Variants in GABRA4 observed in about 807,000 individuals in gnomAD.
GABRA4 encodes the protein gamma-aminobutyric acid receptor subunit alpha-4.
In GABRA4, 12 loss-of-function variants were observed where a neutral mutation model predicts 49.7. The observed-to-expected ratio is 0.24, with a 90% CI of 0.15 to 0.39. GABRA4 has a LOEUF of 0.39. Ranked by LOEUF, GABRA4 falls within the 10% of genes least tolerant of loss-of-function variation. The pLI is 1.00. For synonymous variants in GABRA4, 288 were observed against 240.2 expected (o/e 1.20, Z -1.84); for missense variants, 506 against 686.0 (o/e 0.74, Z 2.93).
chr4:46,972,807 T>G (rs1471323820), intron 6 of GABRA4, among the ~76,000 whole-genome samples: 1 of 151,600 alleles, frequency 6.6e-6, no homozygotes, highest in Admixed American at 6.6e-5. Flanking sequence ...TGCCTTTCAG[T>G]TTGACTATTT....
intron 2 of GABRA4, 151 bp from the exon 3 acceptor site, chr4:46,979,249 CA>C (rs1191006267): frequency 1.7e-6 from 1 of 593,448 alleles, no homozygotes; most frequent in African/African-American, 1.9e-5. Flanking sequence ...CTCTACAAAA[CA>C]AATGTAGACC....
At chr4:46,993,035 GAA>G (rs981789615) in intron 1 of GABRA4, 89 bp from the exon 2 acceptor site, 3 of 1,010,676 alleles carry the variant, frequency 3.0e-6, no homozygotes, top group African/African-American at 1.6e-5. Context: ...GTTTTCTAGG[GAA>G]AGAGTCGCTT....
chr4:46,977,588 T>G lies in GABRA4; in HGVS notation c.316A>C (p.Lys106Gln), dbSNP rs754281136. 1.9e-6 allele frequency: 3 copies of G among 1,612,922 alleles called. No individual in the cohort carries two copies. The highest frequency in any genetic ancestry group is 2.7e-5 in the African/African-American group (2 of 74,840). ...DVFFRQTWID[K>Q]RLKYDGPIEI... ...ATGGGGCCGTCATATTTTAATCTTT[T>G]GTCAATCCATGTCTGCCTGAAGAAC... Residue 106 changes from lysine (K) to glutamine (Q), a missense_variant, in exon 4 of 9, where the codon AAA becomes CAA. By Grantham distance (53) the Lys-to-Gln change is moderately conservative. This residue lies in a region of GABRA4 where 195 missense variants were observed against 326.0 expected (regional missense o/e 0.60). Transcript: ENST00000264318.
At chr4:46,975,496 C>A (rs949031524) in intron 5 of GABRA4, among the ~76,000 whole-genome samples, 9 of 151,808 alleles carry the variant, frequency 5.9e-5, no homozygotes, top group African/African-American at 2.2e-4. Flanking sequence ...TTTCTAATTC[C>A]TCTGAATTGT....
At chr4:46,969,271 T>C (rs748967404) in intron 7 of GABRA4, among the ~76,000 whole-genome samples, 1 of 151,578 alleles carries the variant, frequency 6.6e-6, no homozygotes, top group Non-Finnish European at 1.5e-5. Context: ...AAAAAATGTA[T>C]ACATGAGTTT....
rs1720937297 is a variant in GABRA4 at position 46,920,302 on chromosome 4, G to T, written c.*7923C>A. The T allele has an allele frequency of 2.0e-5, 3 of 151,478 alleles. No individual in the cohort carries two copies. Among genetic ancestry groups the T allele is most frequent in the Non-Finnish European group, 4.4e-5 (3 of 67,596 alleles). The allele number at this position is 151,478 out of a possible 1,614,324, so 9.4% of individuals were successfully genotyped here. ...CTTTGGAAATAATATTATGCAATTG[G>T]TAATATCTTATATTGCCAACAACAT... is the stretch of plus-strand genomic sequence containing the variant. On this transcript the variant is annotated 3_prime_UTR_variant, in exon 9 of 9. Transcript: ENST00000264318.
At chr4:46,970,976 C>T (rs1394765955) in intron 7 of GABRA4, 107 bp downstream of exon 7, 1 of 1,004,582 alleles carries the variant, frequency 1.0e-6, no homozygotes, top group East Asian at 2.6e-5. Flanking sequence ...ATTCCTTATT[C>T]AGGATAGCCT....
chr4:46,992,602 A>T (rs1723796986), intron 2 of GABRA4: 1 of 535,188 alleles, frequency 1.9e-6, no homozygotes, highest in East Asian at 3.0e-5. Context: ...CCGGGAGGTA[A>T]TTAGTGTGGG....
In GABRA4 at chr4:46,992,641, G is replaced by A. The variant is rs1348449602; in HGVS notation, c.205+187C>T. 1.0e-5 allele frequency: 6 copies of A among 598,544 alleles called. No homozygotes were observed. The African/African-American group carries it at 1.1e-4, about 11-fold the overall frequency. The allele number at this position is 598,544 out of a possible 1,614,324, so 37.1% of individuals were successfully genotyped here. A position where few individuals can be genotyped will look rare whatever the true frequency, so the allele number is the denominator to read the frequency against. Reference sequence around the variant, plus strand: ...GAGGCAAAGCTTCTGAGGGGGCAGGGAGATGGGAAAGTACGGGTGGAGGCG... The same window carrying A: ...GAGGCAAAGCTTCTGAGGGGGCAGGAAGATGGGAAAGTACGGGTGGAGGCG... On this transcript the variant is annotated intron_variant, in intron 2 of 8. Transcript: ENST00000264318.
intron 8 of GABRA4, among the ~76,000 whole-genome samples, chr4:46,934,426 C>T (rs895640221): frequency 1.3e-5 from 2 of 152,092 alleles, no homozygotes; most frequent in African/African-American, 4.8e-5. Context: ...CACATCCCCT[C>T]CAAATAAACA....
chr4:46,951,192 A>G (rs1722160763), intron 8 of GABRA4, among the ~76,000 whole-genome samples: 1 of 151,858 alleles, frequency 6.6e-6, no homozygotes, highest in African/African-American at 2.4e-5. Context: ...CCTATATGTG[A>G]CCCTCAAAAA....
At chr4:46,975,603 A>AGC (rs1723113804) in intron 5 of GABRA4, among the ~76,000 whole-genome samples, 1 of 151,750 alleles carries the variant, frequency 6.6e-6, no homozygotes, top group Non-Finnish European at 1.5e-5. Flanking sequence ...TCTCTTTTTA[A>AGC]TTCCCAATCC....
chr4:46,944,608 C>T (rs1279293159), intron 8 of GABRA4, among the ~76,000 whole-genome samples: 2 of 152,050 alleles, frequency 1.3e-5, no homozygotes, highest in African/African-American at 2.4e-5. Flanking sequence ...AGCCATTTTC[C>T]CTTCCTTCTG....
intron 8 of GABRA4, among the ~76,000 whole-genome samples, chr4:46,943,116 C>T (rs1721874185): frequency 6.6e-6 from 1 of 152,116 alleles, no homozygotes; most frequent in African/African-American, 2.4e-5. Flanking sequence ...AGTTCTTACC[C>T]TTATGGAACT....
intron 8 of GABRA4, among the ~76,000 whole-genome samples, chr4:46,931,368 G>A (rs1345637562): frequency 6.6e-6 from 1 of 152,000 alleles, no homozygotes; most frequent in Non-Finnish European, 1.5e-5. Flanking sequence ...AGCAAGAGTA[G>A]GAAGGATCAA....
chr4:46,958,349 A>G (rs1722438399), intron 8 of GABRA4, among the ~76,000 whole-genome samples: 1 of 151,964 alleles, frequency 6.6e-6, no homozygotes, highest in Admixed American at 6.6e-5. Context: ...GATTTTTTTC[A>G]TAAGATACAG....
rs891462698 is a variant in GABRA4, at chr4:46,927,379, A to G, written c.*846T>C. 6.6e-6 allele frequency: 1 copy of G among 152,512 alleles called. No homozygotes were observed. Among genetic ancestry groups the G allele is most frequent in the Non-Finnish European group, 1.5e-5 (1 of 67,978 alleles). 9.4% of individuals were successfully genotyped at this position (152,512 alleles called of 1,614,324 possible). On this transcript the variant is annotated 3_prime_UTR_variant, in exon 9 of 9. Coordinates refer to ENST00000264318, the MANE Select transcript of GABRA4 (RefSeq NM_000809.4). Reference sequence around the variant, plus strand: ...TAAATGTCCTTCACTAAAGAATGCAATGTCCTCTGCTAGTTTATGGTTCTT... The same window carrying G: ...TAAATGTCCTTCACTAAAGAATGCAGTGTCCTCTGCTAGTTTATGGTTCTT...
At chr4:46,991,803 A>T (rs373627174) in intron 2 of GABRA4, among the ~76,000 whole-genome samples, 1 of 152,220 alleles carries the variant, frequency 6.6e-6, no homozygotes, top group African/African-American at 2.4e-5. Flanking sequence ...GGTGATGCCT[A>T]CAAAATGCCT....
At chr4:46,964,399 ATAACT>A (rs1277275998) in intron 8 of GABRA4, among the ~76,000 whole-genome samples, 5 of 151,842 alleles carry the variant, frequency 3.3e-5, no homozygotes, top group Non-Finnish European at 5.9e-5. Context: ...ACATTTTGAA[ATAACT>A]TAAAGAATGT....
Sources: allele counts gnomAD v4.1 joint callset (sites outside exome capture counted in the v4.1 genomes callset), GRCh38; gene constraint gnomAD v4.1.1; regional missense constraint gnomAD v4.1.1; transcripts MANE v1.5; gene names NCBI Gene and HGNC (gene_info 2026-07-23, HGNC 2026-07-21).